PCDH9: variants seen among roughly 807,000 people sequenced by gnomAD.
The protein encoded by PCDH9 is protocadherin 9, also known as protocadherin-9.
PCDH9 carries 24 observed loss-of-function variants against 70.6 expected under a neutral mutation model. The observed-to-expected ratio is 0.34, with a 90% CI of 0.25 to 0.48. The LOEUF (loss-of-function observed/expected upper bound fraction) is 0.48. Ranked by LOEUF, PCDH9 falls within the 20% of genes least tolerant of loss-of-function variation. The pLI is 0.99. For missense variants in PCDH9, 1,281 were observed against 1,503.6 expected, an observed-to-expected ratio of 0.85 and a Z score of 2.45; for synonymous variants, 562 against 558.5, an observed-to-expected ratio of 1.01 and a Z score of -0.09.
chr13:67,014,073 A>G (rs2084508630), intron 2 of PCDH9, among the ~76,000 whole-genome samples: 1 of 152,122 alleles, frequency 6.6e-6, no homozygotes, highest in South Asian at 2.1e-4. Flanking sequence ...TCCCATTCAA[A>G]TATGAAACTA....
intron 3 of PCDH9, among the ~76,000 whole-genome samples, chr13:66,659,732 T>C (rs1275146674): frequency 2.0e-5 from 3 of 152,020 alleles, no homozygotes; most frequent in Non-Finnish European, 4.4e-5. Context: ...GATCTCTTAA[T>C]TCTCTATATC....
At chr13:66,956,531 C>T (rs2083268039) in intron 2 of PCDH9, among the ~76,000 whole-genome samples, 2 of 152,110 alleles carry the variant, frequency 1.3e-5, no homozygotes, top group African/African-American at 4.8e-5. Context: ...GCGGGCTGAT[C>T]ACCTGAGGTC....
intron 2 of PCDH9, among the ~76,000 whole-genome samples, chr13:67,114,272 A>T (rs765256654): frequency 2.0e-5 from 3 of 152,200 alleles, no homozygotes; most frequent in Non-Finnish European, 2.9e-5. Context: ...GATAAAGTGT[A>T]TATCTGTTTA....
At chr13:66,650,813 AC>A (rs140350726) in intron 3 of PCDH9, among the ~76,000 whole-genome samples, 1,895 of 152,146 alleles carry the variant, frequency 0.012, 42 homozygotes, top group African/African-American at 0.041. Context: ...ATATAAAAAA[AC>A]ATTGAAATTA....
At chr13:66,663,310 G>A (rs1408430043) in intron 3 of PCDH9, among the ~76,000 whole-genome samples, 1 of 152,158 alleles carries the variant, frequency 6.6e-6, no homozygotes, top group Non-Finnish European at 1.5e-5. Flanking sequence ...TATTTATTGT[G>A]TAGCTTAAAT....
rs557659438 is a variant in PCDH9, at chr13:66,497,350, T to C, written c.3340+133860A>G. On this transcript the variant is annotated intron_variant, in intron 4 of 4. Transcript: ENST00000377865. ...CAGCCTCCCAAACTTTCTGCTTATT[T>C]TTAATAAATATGTTAGACTCATATC... Among the ~76,000 whole-genome samples, 4 of 152,186 alleles carry C rather than the reference T, an allele frequency of 2.6e-5. No homozygotes were observed. In the South Asian group the frequency reaches 8.3e-4, roughly 32 times the overall value.
intron 4 of PCDH9, among the ~76,000 whole-genome samples, chr13:66,371,223 AT>A (rs1335821178): frequency 2.6e-5 from 4 of 152,090 alleles, no homozygotes; most frequent in Non-Finnish European, 5.9e-5. Context: ...TTTTCAAGTC[AT>A]TAATGTTAAA....
intron 3 of PCDH9, among the ~76,000 whole-genome samples, chr13:66,719,284 T>A (rs2078910989): frequency 6.6e-6 from 1 of 152,092 alleles, no homozygotes; most frequent in South Asian, 2.1e-4. Flanking sequence ...GGATTAAAGA[T>A]TGCTGTGGTT....
intron 4 of PCDH9, among the ~76,000 whole-genome samples, chr13:66,573,737 T>TTTTG (rs71205596): frequency 0.26 from 39,718 of 151,182 alleles, 5,404 homozygotes; most frequent in South Asian, 0.33. Flanking sequence ...AGTTGGGTTT[T>TTTTG]TTTGTTTGTT....
At chr13:67,133,744 A>C (rs1442495416) in intron 2 of PCDH9, among the ~76,000 whole-genome samples, 2 of 152,076 alleles carry the variant, frequency 1.3e-5, no homozygotes, top group African/African-American at 4.8e-5. Context: ...TAGAAATGAA[A>C]GGTTATTAAA....
chr13:66,759,141 A>G (rs1004891040), intron 3 of PCDH9, among the ~76,000 whole-genome samples: 10 of 151,918 alleles, frequency 6.6e-5, no homozygotes, highest in Non-Finnish European at 1.0e-4. Flanking sequence ...ACTGCTATCA[A>G]TATTTACTTT....
intron 4 of PCDH9, among the ~76,000 whole-genome samples, chr13:66,432,727 A>G (rs1957794821): frequency 6.6e-6 from 1 of 152,026 alleles, no homozygotes. Context: ...ATAGGACTAA[A>G]GACATGGAAG....
chr13:66,305,644 G>A (rs192133965), intron 4 of PCDH9, among the ~76,000 whole-genome samples: 23 of 151,976 alleles, frequency 1.5e-4, no homozygotes, highest in African/African-American at 5.1e-4. Flanking sequence ...AATAACTATT[G>A]TATCTTACTA....
At chr13:67,130,863 C>G (rs569142952) in intron 2 of PCDH9, among the ~76,000 whole-genome samples, 15 of 152,210 alleles carry the variant, frequency 9.9e-5, no homozygotes, top group African/African-American at 3.6e-4. Flanking sequence ...AGGTTTTATG[C>G]TGGACATAAA....
At chr13:66,491,794 A>G (rs1255848944) in intron 4 of PCDH9, among the ~76,000 whole-genome samples, 1 of 152,118 alleles carries the variant, frequency 6.6e-6, no homozygotes, top group Non-Finnish European at 1.5e-5. Flanking sequence ...ATTACTTGTC[A>G]TGGTCCATTT....
chr13:66,848,927 C>CAAA (rs745587776), intron 3 of PCDH9, among the ~76,000 whole-genome samples: 21 of 51,268 alleles, frequency 4.1e-4, no homozygotes, highest in African/African-American at 6.5e-4. Flanking sequence ...GACTCCGTCT[C>CAAA]AAAAAAAAAA....
chr13:66,690,179 CT>C (rs2078462181), intron 3 of PCDH9, among the ~76,000 whole-genome samples: 3 of 152,222 alleles, frequency 2.0e-5, no homozygotes, highest in African/African-American at 4.8e-5. Flanking sequence ...TATTTAACTT[CT>C]AGTATTTAAA....
chr13:66,750,306 G>A (rs888247961), intron 3 of PCDH9, among the ~76,000 whole-genome samples: 5 of 151,830 alleles, frequency 3.3e-5, no homozygotes, highest in South Asian at 4.1e-4. Context: ...AGTGCACTCA[G>A]CAAACACATA....
At chr13:66,898,880 G>A (rs1379237191) in intron 3 of PCDH9, among the ~76,000 whole-genome samples, 2 of 151,954 alleles carry the variant, frequency 1.3e-5, no homozygotes, top group African/African-American at 2.4e-5. Flanking sequence ...CTAGCTATCA[G>A]TGTGTCCTTG....
Sources: allele counts gnomAD v4.1 joint callset (sites outside exome capture counted in the v4.1 genomes callset), GRCh38; gene constraint gnomAD v4.1.1; transcripts MANE v1.5; gene names NCBI Gene and HGNC (gene_info 2026-07-23, HGNC 2026-07-21).